The following TMEM232 variants were observed in gnomAD, a reference collection of about 807,000 sequenced individuals.
TMEM232 encodes transmembrane protein 232.
A neutral mutation model predicts 78.8 loss-of-function variants in TMEM232; 80 were observed. The ratio of observed to expected loss-of-function variants is 1.01; its 90% CI spans 0.85 to 1.22. The LOEUF is 1.22. Ranked by LOEUF, TMEM232 falls within the 50% of genes most tolerant of loss-of-function variation. The probability of loss-of-function intolerance (pLI) is 0.00; values close to 1 mark genes in which losing one functional copy is unlikely to be tolerated. For missense variants in TMEM232, 881 were observed against 742.2 expected (o/e 1.19, Z -2.17); for synonymous variants, 297 against 254.3 (o/e 1.17, Z -1.60).
chr5:110,721,673 G>C (rs2900051), intron 1 of TMEM232, among the ~76,000 whole-genome samples: 5 of 35,442 alleles, frequency 1.4e-4, no homozygotes, highest in Non-Finnish European at 2.5e-4. Flanking sequence ...GTGTGTGTGT[G>C]TATATATATA....
chr5:110,632,193 A>G (rs1419512782), intron 5 of TMEM232, among the ~76,000 whole-genome samples: 1 of 152,174 alleles, frequency 6.6e-6, no homozygotes. Context: ...TGTACTCAGA[A>G]CCAAATACAA....
At chr5:110,404,829 TA>T (rs1755726844) in intron 2 of TMEM232, among the ~76,000 whole-genome samples, 2 of 152,010 alleles carry the variant, frequency 1.3e-5, no homozygotes. Context: ...CTGGTCTGGA[TA>T]CGAGTGGGTG....
intron 12 of TMEM232, among the ~76,000 whole-genome samples, chr5:110,463,903 C>G (rs1049774611): frequency 1.3e-5 from 2 of 152,202 alleles, no homozygotes; most frequent in Non-Finnish European, 2.9e-5. Context: ...ATTTCTACCC[C>G]TTACACAGGC....
chr5:110,609,303 T>G (rs1178145657), intron 8 of TMEM232, among the ~76,000 whole-genome samples: 1 of 151,966 alleles, frequency 6.6e-6, no homozygotes, highest in African/African-American at 2.4e-5. Context: ...ATAAAGTTGA[T>G]AAAGCTGAAA....
At chr5:110,675,507 C>T (rs1580619787) in intron 1 of TMEM232, among the ~76,000 whole-genome samples, 1 of 152,092 alleles carries the variant, frequency 6.6e-6, no homozygotes, top group East Asian at 1.9e-4. Context: ...AAAAGAAAAA[C>T]GGAGACTTCA....
chr5:110,622,132 T>C lies in TMEM232; in HGVS notation c.768+3135A>G, dbSNP rs1443670825. Among the ~76,000 whole-genome samples the C allele has an allele frequency of 2.0e-5, 3 of 152,200 alleles. No homozygotes were observed. The East Asian group carries it at 5.8e-4, about 29-fold the overall frequency. ...TACCTGGATAATTTGACGTGAATCA[T>C]AGGATAATGCTCCTAATTTTAAGGA... On this transcript the variant is annotated intron_variant, in intron 7 of 13. Transcript: ENST00000455884.
At chr5:110,488,396 C>G (rs369670841) in intron 12 of TMEM232, among the ~76,000 whole-genome samples, 16 of 151,756 alleles carry the variant, frequency 1.1e-4, no homozygotes, top group African/African-American at 3.6e-4. Flanking sequence ...TAACATACAA[C>G]AGAATAAAAT....
intron 2 of TMEM232, among the ~76,000 whole-genome samples, chr5:110,402,024 T>C (rs1008576102): frequency 1.3e-5 from 2 of 152,066 alleles, no homozygotes; most frequent in Non-Finnish European, 2.9e-5. Context: ...TGGAGCAATA[T>C]GTCTTTGGCA....
chr5:110,473,389 C>T (rs972964311), intron 12 of TMEM232, among the ~76,000 whole-genome samples: 6 of 151,674 alleles, frequency 4.0e-5, no homozygotes, highest in African/African-American at 1.5e-4. Context: ...GATATCACCG[C>T]CCTCCAGATA....
intron 12 of TMEM232, among the ~76,000 whole-genome samples, chr5:110,508,782 T>C (rs962420756): frequency 2.7e-5 from 4 of 148,576 alleles, no homozygotes; most frequent in Admixed American, 2.0e-4. Context: ...AATATGCATA[T>C]ATGCTTTGTT....
chr5:110,466,441 A>G (rs1580796163), intron 12 of TMEM232, among the ~76,000 whole-genome samples: 1 of 152,152 alleles, frequency 6.6e-6, no homozygotes, highest in Non-Finnish European at 1.5e-5. Context: ...CCACTTTTCT[A>G]TGCTTCCTCT....
intron 1 of TMEM232, among the ~76,000 whole-genome samples, chr5:110,699,280 A>C (rs1274001431): frequency 1.3e-5 from 2 of 152,002 alleles, no homozygotes; most frequent in African/African-American, 4.8e-5. Context: ...CCTTAAATAC[A>C]TCCTTGACTT....
chr5:110,697,143 G>C (rs538898736), intron 1 of TMEM232, among the ~76,000 whole-genome samples: 1 of 151,926 alleles, frequency 6.6e-6, no homozygotes, highest in Non-Finnish European at 1.5e-5. Flanking sequence ...AAATAATGCC[G>C]CATATCTGCA....
At chr5:110,437,238 T>A (rs1348168167) in intron 12 of TMEM232, among the ~76,000 whole-genome samples, 1 of 152,036 alleles carries the variant, frequency 6.6e-6, no homozygotes, top group Non-Finnish European at 1.5e-5. Flanking sequence ...TGATATATTT[T>A]TCAGATTGTT....
At chr5:110,413,725 A>G (rs1217588130) in intron 2 of TMEM232, among the ~76,000 whole-genome samples, 1 of 152,190 alleles carries the variant, frequency 6.6e-6, no homozygotes, top group Non-Finnish European at 1.5e-5. Context: ...AACTCCTCAA[A>G]TCTCAAACAC....
At chr5:110,490,173 G>GAAAGAAATAAAT (rs1554089434) in intron 12 of TMEM232, among the ~76,000 whole-genome samples, 5 of 126,452 alleles carry the variant, frequency 4.0e-5, no homozygotes, top group African/African-American at 1.9e-4. Context: ...AAGAAAGAAA[G>GAAAGAAATAAAT]AAAGAAAGAA....
chr5:110,438,072 T>G (rs148049944), intron 12 of TMEM232, among the ~76,000 whole-genome samples: 41 of 152,258 alleles, frequency 2.7e-4, no homozygotes, highest in Non-Finnish European at 5.0e-4. Context: ...CTAACATTTC[T>G]TGTATTAAGG....
chr5:110,605,361 G>A lies in TMEM232; in HGVS notation c.1027-3C>T, dbSNP rs546462469. ...TCATCTACCTTGCAACTTTCTTCCT[G>A]AAATGAGAAAATAGATATTTGATCA... On this transcript the variant is annotated splice_polypyrimidine_tract_variant and splice_region_variant and intron_variant, in intron 9 of 13. Coordinates refer to ENST00000455884, the MANE Select transcript of TMEM232 (RefSeq NM_001039763.4). The A allele has an allele frequency of 3.1e-5, 47 of 1,538,108 alleles. No individual in the cohort carries two copies. The East Asian group carries it at 1.1e-3, about 37-fold the overall frequency.
intron 12 of TMEM232, among the ~76,000 whole-genome samples, chr5:110,440,163 A>T (rs62376066): frequency 0.031 from 4,794 of 152,280 alleles, 114 homozygotes; most frequent in Middle Eastern, 0.051. Context: ...ATAATGATGC[A>T]TATGACTTAA....
Sources: gnomAD v4.1 joint callset for allele counts (sites outside exome capture counted in the v4.1 genomes callset) on GRCh38, gnomAD v4.1.1 for gene constraint, MANE v1.5 for transcripts, NCBI Gene and HGNC (gene_info 2026-07-23, HGNC 2026-07-21) for gene names.